Variants in NUFIP1 observed in about 807,000 individuals in gnomAD.
NUFIP1 encodes nuclear FMR1 interacting protein 1, also known as FMR1-interacting protein NUFIP1.
In NUFIP1, 38 loss-of-function variants were observed where a neutral mutation model predicts 56.2. That is an observed-to-expected ratio of 0.68 (90% CI 0.52 to 0.89). The LOEUF (loss-of-function observed/expected upper bound fraction) is 0.89. Ranked by LOEUF, NUFIP1 falls within the 40% of genes least tolerant of loss-of-function variation. The pLI is 0.00. For synonymous variants in NUFIP1, 215 were observed against 212.4 expected (o/e 1.01, Z -0.10); for missense variants, 567 against 605.8 (o/e 0.94, Z 0.67).
At chr13:44,986,347 C>G (rs1335127261) in intron 1 of NUFIP1, among the ~76,000 whole-genome samples, 1 of 152,100 alleles carries the variant, frequency 6.6e-6, no homozygotes, top group African/African-American at 2.4e-5. Flanking sequence ...TTCAAGACTT[C>G]AGTGGAGGAA....
At chr13:44,946,614 T>G (rs1330639996) in intron 8 of NUFIP1, among the ~76,000 whole-genome samples, 1 of 152,240 alleles carries the variant, frequency 6.6e-6, no homozygotes, top group African/African-American at 2.4e-5. Context: ...AGGGACACTT[T>G]CCTTGTTTAA....
intron 1 of NUFIP1, among the ~76,000 whole-genome samples, chr13:44,984,727 A>T (rs1451604608): frequency 2.0e-5 from 3 of 152,106 alleles, no homozygotes; most frequent in Non-Finnish European, 4.4e-5. Flanking sequence ...TTATTATTAT[A>T]CTTTAAGTTT....
intron 5 of NUFIP1, among the ~76,000 whole-genome samples, chr13:44,966,395 A>C (rs1253164190): frequency 2.6e-5 from 4 of 151,958 alleles, no homozygotes; most frequent in African/African-American, 7.2e-5. Context: ...GCTCACTGCA[A>C]CCTCAGCCTC....
chr13:44,976,470 G>T (rs1238815944), intron 5 of NUFIP1, among the ~76,000 whole-genome samples: 9 of 151,568 alleles, frequency 5.9e-5, no homozygotes, highest in South Asian at 2.1e-4. Context: ...AGAAAAAGAA[G>T]AATAACAACA....
intron 3 of NUFIP1, among the ~76,000 whole-genome samples, 159 bp downstream of exon 3, chr13:44,980,563 C>G (rs1872151628): frequency 6.6e-6 from 1 of 152,210 alleles, no homozygotes. Flanking sequence ...TCCCCACTTT[C>G]AAACCCCAGG....
chr13:44,953,444 T>C (rs1566057453), intron 7 of NUFIP1, among the ~76,000 whole-genome samples: 2 of 152,186 alleles, frequency 1.3e-5, no homozygotes, highest in South Asian at 4.1e-4. Context: ...ATTTAATAAT[T>C]AGAATTATTT....
intron 7 of NUFIP1, among the ~76,000 whole-genome samples, chr13:44,958,735 A>C (rs1478031603): frequency 6.6e-6 from 1 of 152,244 alleles, no homozygotes; most frequent in Non-Finnish European, 1.5e-5. Flanking sequence ...CTGGAGAAAA[A>C]TGTAGTAAAA....
chr13:44,976,124 A>AGG (rs113033254), intron 5 of NUFIP1, among the ~76,000 whole-genome samples: 1 of 152,116 alleles, frequency 6.6e-6, no homozygotes, highest in East Asian at 1.9e-4. Flanking sequence ...GCTAAGTAGT[A>AGG]GGGGGAAAAA....
chr13:44,949,070 C>T (rs1268189133), intron 8 of NUFIP1, among the ~76,000 whole-genome samples: 1 of 152,142 alleles, frequency 6.6e-6, no homozygotes, highest in Non-Finnish European at 1.5e-5. Context: ...ATGCTATAAA[C>T]ACGTTATAAC....
rs1027862254 is a variant in NUFIP1 at position 44,979,966 on chromosome 13, A to G, written c.595-14T>C. 6.3e-7 allele frequency: 1 copy of G among 1,577,182 alleles called. No homozygotes were observed. The highest frequency in any genetic ancestry group is 8.6e-7 in the Non-Finnish European group (1 of 1,163,068). On this transcript the variant is annotated splice_polypyrimidine_tract_variant and intron_variant, in intron 3 of 9. Coordinates refer to ENST00000379161, the MANE Select transcript of NUFIP1 (RefSeq NM_012345.3). Reference sequence around the variant, plus strand: ...TAATTCAGGGCACTATGAGTTTTTAAAAGAAAAAAAAAACTATTTAACAAA... The same window carrying G: ...TAATTCAGGGCACTATGAGTTTTTAGAAGAAAAAAAAAACTATTTAACAAA...
intron 6 of NUFIP1, 48 bp from the exon 7 acceptor site, chr13:44,959,622 C>A: frequency 6.6e-7 from 1 of 1,524,476 alleles, no homozygotes; most frequent in African/African-American, 1.4e-5. Flanking sequence ...ACTGACCTTC[C>A]AAGAAAATTT....
chr13:44,980,072 T>C (rs1234117783), intron 3 of NUFIP1, 120 bp from the exon 4 acceptor site: 5 of 642,526 alleles, frequency 7.8e-6, no homozygotes, highest in East Asian at 6.1e-5. Context: ...ATCTGTATAG[T>C]ATTATCTCTG....
intron 6 of NUFIP1, among the ~76,000 whole-genome samples, chr13:44,964,528 AGAAT>A (rs1389528149): frequency 3.5e-4 from 53 of 152,336 alleles, no homozygotes; most frequent in African/African-American, 1.3e-3. Context: ...GGGACCTGGT[AGAAT>A]CCCTGAATTG....
At chr13:44,971,287 A>G (rs56660297) in intron 5 of NUFIP1, among the ~76,000 whole-genome samples, 4,865 of 152,212 alleles carry the variant, frequency 0.032, 108 homozygotes, top group East Asian at 0.12. Context: ...CATTCTCTTT[A>G]AACACCTCTA....
chr13:44,947,221 GCCAAGCTTAT>G (rs1870928217), intron 8 of NUFIP1, among the ~76,000 whole-genome samples: 1 of 149,162 alleles, frequency 6.7e-6, no homozygotes, highest in Non-Finnish European at 1.5e-5. Flanking sequence ...ATACCAGCTT[GCCAAGCTTAT>G]TCCTTTTTTT....
chr13:44,953,937 T>C (rs145696033), intron 7 of NUFIP1, among the ~76,000 whole-genome samples: 20 of 152,262 alleles, frequency 1.3e-4, no homozygotes, highest in South Asian at 4.1e-4. Context: ...GGACAAACCA[T>C]ATGTAATAAC....
intron 1 of NUFIP1, among the ~76,000 whole-genome samples, chr13:44,984,709 A>AT (rs569334606): frequency 3.3e-5 from 5 of 151,820 alleles, no homozygotes; most frequent in South Asian, 2.1e-4. Flanking sequence ...GCAGAATTGA[A>AT]TTTTTTTTTA....
chr13:44,950,355 GT>G (rs1210048276), intron 7 of NUFIP1, among the ~76,000 whole-genome samples: 2 of 152,098 alleles, frequency 1.3e-5, no homozygotes, highest in Non-Finnish European at 2.9e-5. Flanking sequence ...TCCACCCAAA[GT>G]TTTTTTAGAG....
At chr13:44,948,953 A>C (rs1463430206) in intron 8 of NUFIP1, among the ~76,000 whole-genome samples, 1 of 152,200 alleles carries the variant, frequency 6.6e-6, no homozygotes, top group African/African-American at 2.4e-5. Flanking sequence ...TGTTTTCCAA[A>C]TGAGATAATT....
Sources: allele counts gnomAD v4.1 joint callset (sites outside exome capture counted in the v4.1 genomes callset), GRCh38; gene constraint gnomAD v4.1.1; transcripts MANE v1.5; gene names NCBI Gene and HGNC (gene_info 2026-07-23, HGNC 2026-07-21).